The following SLCO1B3 variants were observed in gnomAD, a reference collection of about 807,000 sequenced individuals.
The protein encoded by SLCO1B3 is solute carrier organic anion transporter family member 1B3.
SLCO1B3 carries 72 observed loss-of-function variants against 71.8 expected under a neutral mutation model. The observed-to-expected ratio is 1.00, with a 90% confidence interval of 0.83 to 1.22. The LOEUF (loss-of-function observed/expected upper bound fraction) is 1.22, where lower values mean the gene tolerates loss of function less well. Among genes scored for constraint, SLCO1B3 ranks in the 50% most tolerant of loss-of-function variants. The probability of loss-of-function intolerance (pLI) is 0.00; values close to 1 mark genes in which losing one functional copy is unlikely to be tolerated. For synonymous variants in SLCO1B3, 298 were observed against 278.4 expected (o/e 1.07, Z -0.70); for missense variants, 911 against 819.7 (o/e 1.11, Z -1.36).
intron 3 of SLCO1B3, among the ~76,000 whole-genome samples, chr12:20,832,882 C>G (rs1261540994): frequency 6.6e-6 from 1 of 152,154 alleles, no homozygotes; most frequent in Non-Finnish European, 1.5e-5. Flanking sequence ...CACTAAGACC[C>G]CAAAACGCAC....
intron 15 of SLCO1B3, among the ~76,000 whole-genome samples, chr12:20,904,718 T>C (rs889690670): frequency 7.0e-6 from 1 of 142,840 alleles, no homozygotes; most frequent in Non-Finnish European, 1.5e-5. Flanking sequence ...TCATGAGGGC[T>C]CCACCCCTGC....
chr12:20,847,560 CAA>C (rs1864943011), intron 3 of SLCO1B3, among the ~76,000 whole-genome samples: 1 of 151,246 alleles, frequency 6.6e-6, no homozygotes, highest in Non-Finnish European at 1.5e-5. Flanking sequence ...GTTTATTTCT[CAA>C]CCCATTTAGT....
At position 20,916,167 on chromosome 12, in the gene SLCO1B3, G is replaced by A; in HGVS notation, c.2029G>A (p.Gly677Ser). 1 of 1,612,436 alleles carries A rather than the reference G, an allele frequency of 6.2e-7. No individual in the cohort carries two copies. The highest frequency in any genetic ancestry group is 8.5e-7 in the Non-Finnish European group (1 of 1,178,672). ...DEANLEFLNN[G>S]EHFVPSAGTD... ...AGCAAACTTAGAATTCTTAAATAAT[G>A]GTGAACATTTTGTACCTTCTGCTGG... Residue 677 changes from glycine to serine, a missense_variant, in exon 16 of 16, where the codon GGT becomes AGT. Gly to Ser is a moderately conservative substitution (Grantham distance 56). Transcript: ENST00000381545.
At chr12:20,856,343 T>A (rs949766912) in intron 4 of SLCO1B3, among the ~76,000 whole-genome samples, 2 of 152,074 alleles carry the variant, frequency 1.3e-5, no homozygotes, top group African/African-American at 4.8e-5. Context: ...ACCCTCTGTA[T>A]CCACAGGTTC....
intron 13 of SLCO1B3, among the ~76,000 whole-genome samples, chr12:20,887,284 G>A (rs1865808737): frequency 6.6e-6 from 1 of 151,940 alleles, no homozygotes; most frequent in South Asian, 2.1e-4. Context: ...AGGTCATCAG[G>A]AAATCTCTAT....
chr12:20,838,432 T>C (rs1864730708), intron 3 of SLCO1B3, among the ~76,000 whole-genome samples: 1 of 152,044 alleles, frequency 6.6e-6, no homozygotes, highest in Non-Finnish European at 1.5e-5. Context: ...TTGGTGCATT[T>C]AGATAATTGA....
At chr12:20,899,523 G>A (rs140309530) in intron 14 of SLCO1B3, among the ~76,000 whole-genome samples, 259 of 152,304 alleles carry the variant, frequency 1.7e-3, no homozygotes, top group African/African-American at 6.0e-3. Context: ...CACAGATCCT[G>A]AAATGTAAAA....
intron 13 of SLCO1B3, among the ~76,000 whole-genome samples, chr12:20,885,563 G>C (rs1236627936): frequency 6.6e-6 from 1 of 152,014 alleles, no homozygotes; most frequent in African/African-American, 2.4e-5. Context: ...ATAGGTAAGA[G>C]ATGCTAGTTC....
chr12:20,854,401 A>G (rs763631832), intron 3 of SLCO1B3, among the ~76,000 whole-genome samples: 4 of 152,054 alleles, frequency 2.6e-5, no homozygotes, highest in Non-Finnish European at 5.9e-5. Context: ...AGATCTATTT[A>G]TAATTGTTGG....
At chr12:20,816,546 C>G (rs1864197221) in intron 3 of SLCO1B3, among the ~76,000 whole-genome samples, 1 of 152,154 alleles carries the variant, frequency 6.6e-6, no homozygotes, top group Admixed American at 6.5e-5. Context: ...CTTTCTATAG[C>G]TGAATAGTAC....
At position 20,858,549 on chromosome 12, in the gene SLCO1B3, T is replaced by G; in HGVS notation, c.337T>G (p.Leu113Val). ...LMGTGSILTS[L>V]PHFFMGYYRY... is the part of the protein sequence containing the mutation. ...GGGAACTGGAAGTATTTTGACATCT[T>G]TACCACATTTCTTCATGGGATAGTA... is the stretch of plus-strand genomic sequence containing the variant. The change falls in exon 5 of 16, where the codon TTA becomes GTA. Residue 113 changes from leucine to valine, a missense_variant. Physicochemically the swap from Leu to Val is conservative, Grantham distance 32. Coordinates refer to ENST00000381545, the MANE Select transcript of SLCO1B3 (RefSeq NM_019844.4). The G allele has an allele frequency of 1.2e-6, 2 of 1,606,784 alleles. No homozygotes were observed. The highest frequency in any genetic ancestry group is 1.7e-6 in the Non-Finnish European group (2 of 1,173,544).
intron 15 of SLCO1B3, among the ~76,000 whole-genome samples, chr12:20,905,189 C>T (rs1225616443): frequency 1.3e-5 from 2 of 152,144 alleles, no homozygotes; most frequent in African/African-American, 4.8e-5. Context: ...TGTCATCTCC[C>T]AAGGTTGCAC....
intron 9 of SLCO1B3, among the ~76,000 whole-genome samples, chr12:20,876,222 G>A (rs1437119070): frequency 6.6e-6 from 1 of 152,000 alleles, no homozygotes; most frequent in Admixed American, 6.6e-5. Context: ...TGGTGCCTCT[G>A]TCCAATATAA....
At chr12:20,882,695 C>T (rs1241079207) in intron 12 of SLCO1B3, among the ~76,000 whole-genome samples, 2 of 152,136 alleles carry the variant, frequency 1.3e-5, no homozygotes, top group Non-Finnish European at 2.9e-5. Context: ...TGAGTGACCA[C>T]GCCTGGCCAA....
intron 3 of SLCO1B3, among the ~76,000 whole-genome samples, chr12:20,830,439 G>A (rs1222752583): frequency 6.6e-6 from 1 of 152,138 alleles, no homozygotes; most frequent in Non-Finnish European, 1.5e-5. Flanking sequence ...TGAATCCACA[G>A]GTTGCCAGAG....
At chr12:20,914,174 G>A (rs1866444877) in intron 15 of SLCO1B3, among the ~76,000 whole-genome samples, 1 of 151,946 alleles carries the variant, frequency 6.6e-6, no homozygotes, top group Admixed American at 6.6e-5. Context: ...TGCTCTCCTT[G>A]TTCTTTGATC....
chr12:20,896,807 G>A (rs1184252094), intron 13 of SLCO1B3, among the ~76,000 whole-genome samples: 1 of 152,160 alleles, frequency 6.6e-6, no homozygotes, highest in Non-Finnish European at 1.5e-5. Context: ...ACATACCTGA[G>A]ACTGGGCGAT....
At position 20,880,869 on chromosome 12, in the gene SLCO1B3, C is replaced by T. The variant is rs770786729; in HGVS notation, c.1346C>T (p.Ala449Val). The T allele has an allele frequency of 6.3e-7, 1 of 1,591,052 alleles. No homozygotes were observed. The highest frequency in any genetic ancestry group is 8.6e-7 in the Non-Finnish European group (1 of 1,166,568). Residue 449 changes from alanine to valine, a missense_variant, in exon 12 of 16, where the codon GCA (alanine) becomes GTA (valine). Coordinates refer to ENST00000381545, the MANE Select transcript of SLCO1B3 (RefSeq NM_019844.4). ...TATATTTTCAGAAATAATTCAGTGG[C>T]ATCTCATGTAGATGTACCACTTTCT... Reference protein sequence around the residue: ...TLTYDGNNSVASHVDVPLSYC... With the variant: ...TLTYDGNNSVVSHVDVPLSYC...
At chr12:20,815,064 A>T (rs1269301540) in intron 2 of SLCO1B3, among the ~76,000 whole-genome samples, 1 of 150,714 alleles carries the variant, frequency 6.6e-6, no homozygotes, top group African/African-American at 2.4e-5. Flanking sequence ...ATACAGTAAG[A>T]TCATGATGAT....
Sources: gnomAD v4.1 joint callset for allele counts (sites outside exome capture counted in the v4.1 genomes callset) on GRCh38, gnomAD v4.1.1 for gene constraint, MANE v1.5 for transcripts, NCBI Gene and HGNC (gene_info 2026-07-23, HGNC 2026-07-21) for gene names.